The following LCN2 variants were observed in gnomAD, a reference collection of about 807,000 sequenced individuals.
LCN2 encodes lipocalin 2, also known as neutrophil gelatinase-associated lipocalin.
LCN2 carries 27 observed loss-of-function variants against 26.4 expected under a neutral mutation model. The observed-to-expected ratio is 1.02, with a 90% CI of 0.76 to 1.41. The LOEUF is 1.41. LCN2 is among the 40% of genes most tolerant of loss of function. The probability of loss-of-function intolerance (pLI) is 0.00; values close to 1 mark genes in which losing one functional copy is unlikely to be tolerated. For missense variants in LCN2, 224 were observed against 237.6 expected (o/e 0.94, Z 0.38); for synonymous variants, 94 against 98.9 (o/e 0.95, Z 0.30).
At chr9:128,150,194 C>T (rs1176077668) in intron 1 of LCN2, 44 bp from the exon 2 acceptor site, 23 of 1,589,620 alleles carry the variant, frequency 1.4e-5, no homozygotes, top group African/African-American at 2.7e-5. Context: ...AGGGGTGGCT[C>T]CTAGGGCCAT....
chr9:128,153,197 C>T lies in LCN2; in HGVS notation c.*7+71C>T. 3 of 1,573,656 alleles carry T rather than the reference C, an allele frequency of 1.9e-6. No individual in the cohort carries two copies. The highest frequency in any genetic ancestry group is 2.6e-6 in the Non-Finnish European group (3 of 1,145,078). Reference sequence around the variant, plus strand: ...GTGCAGTGGGCTGGGGGTCTTGGGCCTGCCTTTGCTCATCCCCCTGCCCCC... The same window carrying T: ...GTGCAGTGGGCTGGGGGTCTTGGGCTTGCCTTTGCTCATCCCCCTGCCCCC... On this transcript the variant is annotated intron_variant, in intron 6 of 6. Transcript: ENST00000277480. This position sits in a 1 kb window ranked among gnomAD's most constrained non-coding sequence, Gnocchi z 5.4.
At chr9:128,152,061 T>C (rs1250313512) in intron 4 of LCN2, 36 bp downstream of exon 4, 2 of 1,613,638 alleles carry the variant, frequency 1.2e-6, no homozygotes, top group South Asian at 1.1e-5. Context: ...GACTGGCTCC[T>C]GATCACACTT....
chr9:128,153,084 A>C lies in LCN2; in HGVS notation c.578-16A>C. The C allele has an allele frequency of 1.2e-6, 2 of 1,614,084 alleles. No homozygotes were observed. The highest frequency in any genetic ancestry group is 1.7e-6 in the Non-Finnish European group (2 of 1,179,986). The stretch of plus-strand genomic sequence containing the variant: ...CACACACAGCTGCCTGTTCTGACGG[A>C]CTTTCTCCCTAACAGACCAGTGTAT... On this transcript the variant is annotated splice_polypyrimidine_tract_variant and intron_variant, in intron 5 of 6. Coordinates refer to ENST00000277480, the MANE Select transcript of LCN2 (RefSeq NM_005564.5). The surrounding 1 kb of genome is among the most constrained non-coding windows in gnomAD (Gnocchi z 5.4).
At chr9:128,149,883 C>T (rs543273197) in intron 1 of LCN2, among the ~76,000 whole-genome samples, 1 of 149,032 alleles carries the variant, frequency 6.7e-6, no homozygotes, top group Admixed American at 6.7e-5. Context: ...CCCAGGTCCA[C>T]ATCCCCTCTC....
At chr9:128,151,396 T>G (rs1331042930) in intron 2 of LCN2, 1 of 601,898 alleles carries the variant, frequency 1.7e-6, no homozygotes, top group Non-Finnish European at 3.1e-6. Context: ...AGGGTCTGAG[T>G]GGGGTCCAGG....
intron 1 of LCN2, among the ~76,000 whole-genome samples, chr9:128,149,900 C>T (rs1182869614): frequency 6.8e-6 from 1 of 147,838 alleles, no homozygotes; most frequent in Non-Finnish European, 1.5e-5. Context: ...TCTCCCATAA[C>T]CCCCATTGTC....
rs371620611 is a variant in LCN2 at position 128,152,181 on chromosome 9, A to C, written c.476-2A>C. 3 of 1,613,782 alleles carry C rather than the reference A, an allele frequency of 1.9e-6. No individual in the cohort carries two copies. Among genetic ancestry groups the C allele is most frequent in the Non-Finnish European group, 2.5e-6 (3 of 1,179,788 alleles). On this transcript the variant is annotated splice_acceptor_variant, in intron 4 of 6. Coordinates refer to ENST00000277480, the MANE Select transcript of LCN2 (RefSeq NM_005564.5). LOFTEE classifies it high-confidence loss of function. ...GCCACTCACTGGCCATCTTGGTCAC[A>C]GGGAGAACCAAGGAGCTGACTTCGG...
chr9:128,152,397 G>A (rs575564474), intron 5 of LCN2, 113 bp downstream of exon 5: 11 of 907,770 alleles, frequency 1.2e-5, no homozygotes, highest in Non-Finnish European at 5.2e-6. Flanking sequence ...AGTCACTGGA[G>A]CAGTGGATGG....
rs1357172308 is a variant in LCN2 at position 128,152,365 on chromosome 9, G to A, written c.577+81G>A. Reference sequence around the variant, plus strand: ...CTTCCCTACCAGGGATCAGGGAGAGGAGGGACTCCGTCCTCAGCTTCAGTC... The same window carrying A: ...CTTCCCTACCAGGGATCAGGGAGAGAAGGGACTCCGTCCTCAGCTTCAGTC... On this transcript the variant is annotated intron_variant, in intron 5 of 6. Transcript: ENST00000277480. 3.6e-5 allele frequency: 45 copies of A among 1,233,594 alleles called. No homozygotes were observed. In the East Asian group the frequency reaches 1.1e-3, roughly 29 times the overall value. The allele number at this position is 1,233,594 out of a possible 1,614,324, so 76.4% of individuals were successfully genotyped here. A position where few individuals can be genotyped will look rare whatever the true frequency, so the allele number is the denominator to read the frequency against.
At position 128,152,044 on chromosome 9, in the gene LCN2, C is replaced by T; in HGVS notation, c.475+19C>T. ...CTCTACGGTGGGTCCTCTCCCATCC[C>T]CTCGGGGACTGGCTCCTGATCACAC... On this transcript the variant is annotated intron_variant, in intron 4 of 6. Coordinates refer to ENST00000277480, the MANE Select transcript of LCN2 (RefSeq NM_005564.5). The T allele has an allele frequency of 1.2e-6, 2 of 1,613,954 alleles. No homozygotes were observed. The highest frequency in any genetic ancestry group is 8.5e-7 in the Non-Finnish European group (1 of 1,179,914).
chr9:128,153,377 C>T lies in LCN2; in HGVS notation c.*74C>T, dbSNP rs1829160111. 3.5e-6 allele frequency: 2 copies of T among 575,706 alleles called. No homozygotes were observed. The highest frequency in any genetic ancestry group is 3.9e-5 in the South Asian group (2 of 50,728). 35.7% of individuals were successfully genotyped at this position (575,706 alleles called of 1,614,324 possible). A position where few individuals can be genotyped will look rare whatever the true frequency, so the allele number is the denominator to read the frequency against. The stretch of plus-strand genomic sequence containing the variant: ...AGCTGGGAGACCCTCCCCACAGTGC[C>T]ACCCATGCAGCTGCTCCCCAGGCCA... On this transcript the variant is annotated 3_prime_UTR_variant, in exon 7 of 7. Transcript: ENST00000277480. This position sits in a 1 kb window ranked among gnomAD's most constrained non-coding sequence, Gnocchi z 5.4.
rs775793419 is a variant in LCN2 at position 128,149,630 on chromosome 9, G to C, written c.105G>C (p.Lys35Asn). Residue 35 changes from lysine (K) to asparagine (N), a missense_variant, in exon 1 of 7, where the codon AAG becomes AAC. Lys to Asn is a moderately conservative substitution (Grantham distance 94). Coordinates refer to ENST00000277480, the MANE Select transcript of LCN2 (RefSeq NM_005564.5). The part of the protein sequence containing the change: ...SDLIPAPPLS[K>N]VPLQQNFQDN... ...TGATCCCAGCCCCACCTCTGAGCAA[G>C]GTCCCTCTGCAGCAGAACTTCCAGG... The C allele has an allele frequency of 6.2e-7, 1 of 1,613,986 alleles. No individual in the cohort carries two copies. Among genetic ancestry groups the C allele is most frequent in the East Asian group, 2.2e-5 (1 of 44,860 alleles).
intron 2 of LCN2, 164 bp from the exon 3 acceptor site, chr9:128,151,474 T>C (rs765538441): frequency 1.5e-6 from 1 of 649,946 alleles, no homozygotes; most frequent in Non-Finnish European, 2.8e-6. Context: ...CCATCTCGGC[T>C]GGGTGGGGTA....
chr9:128,152,019 C>A lies in LCN2; in HGVS notation c.469C>A (p.Leu157Ile), dbSNP rs1835012903. 1 of 1,614,004 alleles carries A rather than the reference C, an allele frequency of 6.2e-7. No individual in the cohort carries two copies. Among genetic ancestry groups the A allele is most frequent in the African/African-American group, 1.3e-5 (1 of 74,942 alleles). Residue 157 changes from leucine to isoleucine, a missense_variant, in exon 4 of 7, where the codon CTC becomes ATC. Physicochemically the swap from Leu to Ile is conservative, Grantham distance 5. Transcript: ENST00000277480. ...SQNREYFKIT[L>I]YGRTKELTSE... The stretch of plus-strand genomic sequence containing the variant: ...AAACAGGGAGTACTTCAAGATCACC[C>A]TCTACGGTGGGTCCTCTCCCATCCC...
intron 2 of LCN2, among the ~76,000 whole-genome samples, chr9:128,151,053 G>C (rs1014683505): frequency 6.6e-6 from 1 of 152,160 alleles, no homozygotes; most frequent in African/African-American, 2.4e-5. Flanking sequence ...GCCCCCAGTG[G>C]GTTTCTGACT....
Position 128,151,987 on chromosome 9 carries a change from T to C in LCN2, c.437T>C (p.Val146Ala). ...NQHAMVFFKK[V>A]SQNREYFKIT... The stretch of plus-strand genomic sequence containing the variant: ...CATGCTATGGTGTTCTTCAAGAAAG[T>C]TTCTCAAAACAGGGAGTACTTCAAG... The change falls in exon 4 of 7, where the codon GTT becomes GCT. Residue 146 changes from valine to alanine, a missense_variant. Physicochemically the swap from Val to Ala is moderately conservative, Grantham distance 64. Transcript: ENST00000277480. 2 of 1,614,048 alleles carry C rather than the reference T, an allele frequency of 1.2e-6. No homozygotes were observed. Among genetic ancestry groups the C allele is most frequent in the Non-Finnish European group, 1.7e-6 (2 of 1,179,992 alleles).
In LCN2 at chr9:128,151,700, C is replaced by T. The variant is rs150975968; in HGVS notation, c.338C>T (p.Thr113Met). The T allele has an allele frequency of 1.1e-4, 174 of 1,614,024 alleles. No individual in the cohort carries two copies. Among genetic ancestry groups the T allele is most frequent in the South Asian group, 5.7e-4 (52 of 91,084 alleles). ...CCAGGTTGCCAGCCCGGCGAGTTCA[C>T]GCTGGGCAACATTAAGAGTGAGTCT... ...FVPGCQPGEF[T>M]LGNIKSYPGL... The change falls in exon 3 of 7, where the codon ACG (threonine) becomes ATG (methionine). Residue 113 changes from threonine to methionine, a missense_variant. By Grantham distance (81) the Thr-to-Met change is moderately conservative. Coordinates refer to ENST00000277480, the MANE Select transcript of LCN2 (RefSeq NM_005564.5).
At chr9:128,150,432 T>G in intron 2 of LCN2, 58 bp downstream of exon 2, 1 of 1,609,226 alleles carries the variant, frequency 6.2e-7, no homozygotes, top group Non-Finnish European at 8.5e-7. Context: ...AGGCAAGGGA[T>G]GGCCAAAGCT....
intron 2 of LCN2, among the ~76,000 whole-genome samples, chr9:128,150,888 C>T (rs1428912300): frequency 1.3e-5 from 2 of 152,216 alleles, no homozygotes; most frequent in South Asian, 2.1e-4. Flanking sequence ...GGATCTGCTG[C>T]GGAGTGGCTT....
Sources: allele counts gnomAD v4.1 joint callset (sites outside exome capture counted in the v4.1 genomes callset), GRCh38; gene constraint gnomAD v4.1.1; non-coding constraint Gnocchi (gnomAD v3.1); transcripts MANE v1.5; gene names NCBI Gene and HGNC (gene_info 2026-07-23, HGNC 2026-07-21).